The following TRIO variants were observed in gnomAD, a reference collection of about 807,000 sequenced individuals.
The protein encoded by TRIO is triple functional domain protein.
TRIO carries 58 observed loss-of-function variants against 351.9 expected under a neutral mutation model. The observed-to-expected ratio is 0.16, with a 90% CI of 0.13 to 0.21. TRIO has a LOEUF of 0.21. TRIO is among the 10% of genes least tolerant of loss of function. The pLI, the probability that TRIO is intolerant of heterozygous loss-of-function variation, is 1.00. For missense variants in TRIO, 3,201 were observed against 4,027.8 expected (o/e 0.79, Z 5.56); for synonymous variants, 1,758 against 1,595.7 (o/e 1.10, Z -2.42).
Position 14,461,257 on chromosome 5 carries a change from G to T in TRIO, c.5442G>T (p.Ser1814=). 1 of 1,595,626 alleles carries T rather than the reference G, an allele frequency of 6.3e-7. No individual in the cohort carries two copies. Residue 1814 remains serine (S), a synonymous_variant, in exon 35 of 57, where the codon TCG becomes TCT. Transcript: ENST00000344204. ...REVRKSADAG[S]QKDSDDSAAT... is the part of the protein sequence containing the mutation. ...TCCGCAAGAGCGCCGACGCCGGCTC[G>T]CAGAAGGACTCCGACGACAGTGCGG...
At chr5:14,157,627 G>C (rs931116422) in intron 1 of TRIO, among the ~76,000 whole-genome samples, 2 of 151,358 alleles carry the variant, frequency 1.3e-5, no homozygotes, top group Non-Finnish European at 2.9e-5. Flanking sequence ...TCTTGTTCTT[G>C]CCCAGGCTGG....
chr5:14,368,723 G>T lies in TRIO; in HGVS notation c.2890G>T (p.Ala964Ser). The part of the protein sequence containing the change: ...QHAIEKTHQS[A>S]LQVQQKAEAM... ...CTGTCTCTAGAAAACACATCAGAGCGCGCTGCAGGTGCAGCAGAAGGCAGA... is the reference window on the plus strand; with the variant it reads ...CTGTCTCTAGAAAACACATCAGAGCTCGCTGCAGGTGCAGCAGAAGGCAGA... The change falls in exon 17 of 57, where the codon GCG becomes TCG. Residue 964 changes from alanine (A) to serine (S), a missense_variant. This residue lies in a region of TRIO where 363 missense variants were observed against 553.5 expected (regional missense o/e 0.66). Coordinates refer to ENST00000344204, the MANE Select transcript of TRIO (RefSeq NM_007118.4). 6.2e-7 allele frequency: 1 copy of T among 1,613,650 alleles called. No homozygotes were observed. The highest frequency in any genetic ancestry group is 8.5e-7 in the Non-Finnish European group (1 of 1,179,686).
chr5:14,314,236 C>T (rs1345171715), intron 8 of TRIO, among the ~76,000 whole-genome samples: 1 of 152,102 alleles, frequency 6.6e-6, no homozygotes, highest in African/African-American at 2.4e-5. Flanking sequence ...TTTAATCTAC[C>T]TTTGCATATA....
intron 34 of TRIO, among the ~76,000 whole-genome samples, chr5:14,432,831 C>T (rs1751282780): frequency 6.6e-6 from 1 of 152,158 alleles, no homozygotes; most frequent in Non-Finnish European, 1.5e-5. Context: ...GCTGCTTGTT[C>T]TCCTTTGCTC....
chr5:14,255,625 A>G lies in TRIO; in HGVS notation c.158-15200A>G, dbSNP rs144833355. Among the ~76,000 whole-genome samples the G allele has an allele frequency of 4.2e-3, 636 of 152,378 alleles. 9 individuals carry two copies. Among genetic ancestry groups the G allele is most frequent in the Admixed American group, 0.032 (487 of 15,314 alleles). On this transcript the variant is annotated intron_variant, in intron 1 of 56. Transcript: ENST00000344204. ...TTTGGATTTTGGAATATTTGCATAT[A>G]CAAAATGAGACATCTCGAGGATGAG...
At chr5:14,494,496 C>T (rs1009614254) in intron 49 of TRIO, among the ~76,000 whole-genome samples, 26 of 152,186 alleles carry the variant, frequency 1.7e-4, no homozygotes, top group Admixed American at 9.8e-4. Flanking sequence ...CCAAGAGCTC[C>T]GATGGAGATG....
intron 21 of TRIO, among the ~76,000 whole-genome samples, chr5:14,385,349 CT>C: frequency 6.6e-6 from 1 of 152,316 alleles, no homozygotes; most frequent in African/African-American, 2.4e-5. Flanking sequence ...ACACGGAGAC[CT>C]ATTGGTGGAG....
chr5:14,248,506 C>A (rs1794565537), intron 1 of TRIO, among the ~76,000 whole-genome samples: 1 of 152,190 alleles, frequency 6.6e-6, no homozygotes, highest in African/African-American at 2.4e-5. Flanking sequence ...ACACCCGGGG[C>A]CCCAGGCAGT....
At chr5:14,429,862 T>C (rs981051586) in intron 34 of TRIO, among the ~76,000 whole-genome samples, 4 of 152,200 alleles carry the variant, frequency 2.6e-5, no homozygotes, top group Non-Finnish European at 5.9e-5. Flanking sequence ...TTTGCTGACA[T>C]GAGTGGTGGC....
chr5:14,431,813 G>C (rs1353872260), intron 34 of TRIO, among the ~76,000 whole-genome samples: 1 of 152,210 alleles, frequency 6.6e-6, no homozygotes, highest in East Asian at 1.9e-4. Flanking sequence ...AGCAGGGTCG[G>C]CTTCCTCTGG....
chr5:14,394,630 T>C (rs1747405568), intron 28 of TRIO, among the ~76,000 whole-genome samples: 1 of 152,118 alleles, frequency 6.6e-6, no homozygotes, highest in South Asian at 2.1e-4. Context: ...CCCAGGAGGC[T>C]TCCTCTGTCT....
intron 3 of TRIO, among the ~76,000 whole-genome samples, chr5:14,285,128 C>T (rs192287232): frequency 9.2e-5 from 14 of 152,190 alleles, no homozygotes; most frequent in Admixed American, 5.9e-4. Context: ...TGTTTCTGCC[C>T]GTGATGTTAC....
In TRIO at chr5:14,461,116, G is replaced by A; in HGVS notation, c.5301G>A (p.Lys1767=). ...GGGCCCAGAGCTCGCCGGGCCCCAA[G>A]CGGCCGGGCAACACCCTGCGCAAGT... The part of the protein sequence containing the change: ...MIGAQSSPGP[K]RPGNTLRKWL... Residue 1767 remains lysine (K), a synonymous_variant, in exon 35 of 57, where the codon AAG becomes AAA. Transcript: ENST00000344204. 1 of 1,558,404 alleles carries A rather than the reference G, an allele frequency of 6.4e-7. No homozygotes were observed. The highest frequency in any genetic ancestry group is 8.7e-7 in the Non-Finnish European group (1 of 1,151,936).
At chr5:14,369,012 C>A in intron 17 of TRIO, 113 bp downstream of exon 17, 1 of 1,330,490 alleles carries the variant, frequency 7.5e-7, no homozygotes, top group Non-Finnish European at 1.0e-6. Flanking sequence ...CAATCAGTTG[C>A]CAGTCAAGCA....
chr5:14,327,526 A>G lies in TRIO; in HGVS notation c.1732-3252A>G, dbSNP rs185656149. Among the ~76,000 whole-genome samples, 144 of 152,304 alleles carry G rather than the reference A, an allele frequency of 9.5e-4. 1 individual carries two copies. The highest frequency in any genetic ancestry group is 3.3e-3 in the African/African-American group (139 of 41,572). On this transcript the variant is annotated intron_variant, in intron 9 of 56. Transcript: ENST00000344204. Reference sequence around the variant, plus strand: ...TGCTTCCTCTGGCCCTTTCTACCAAATAATGTTTATCTTTTATTTTTTGAA... The same window carrying G: ...TGCTTCCTCTGGCCCTTTCTACCAAGTAATGTTTATCTTTTATTTTTTGAA...
chr5:14,481,849 A>G, intron 45 of TRIO: 1 of 468,980 alleles, frequency 2.1e-6, no homozygotes, highest in Non-Finnish European at 3.6e-6. Flanking sequence ...CCAGTGTCTC[A>G]TGGCAGAAAC....
intron 1 of TRIO, among the ~76,000 whole-genome samples, chr5:14,194,266 T>C (rs913162247): frequency 1.3e-5 from 2 of 152,224 alleles, no homozygotes; most frequent in Non-Finnish European, 2.9e-5. Context: ...TGTCTAAATA[T>C]GTAAGCAGGT....
intron 1 of TRIO, among the ~76,000 whole-genome samples, chr5:14,243,222 T>C (rs1343139758): frequency 6.6e-6 from 1 of 152,174 alleles, no homozygotes; most frequent in Admixed American, 6.5e-5. Context: ...GTCCATGTCC[T>C]GGTCCCTGCC....
rs148296687 is a variant in TRIO, at chr5:14,433,820, TATTTTG to T, written c.5203+13811_5203+13816del. 6.6e-3 allele frequency among the ~76,000 whole-genome samples: 1,011 copies of T among 152,330 alleles called. 9 individuals carry two copies. Among genetic ancestry groups the T allele is most frequent in the African/African-American group, 0.022 (918 of 41,562 alleles). Reference sequence around the variant, plus strand: ...AGCTAATGTTGTTTTATATATCCAGTATTTTGATTTTGATTTTAAGGATCTTTTCAT... The same window carrying T: ...AGCTAATGTTGTTTTATATATCCAGTATTTTGATTTTAAGGATCTTTTCAT... On this transcript the variant is annotated intron_variant, in intron 34 of 56. Coordinates refer to ENST00000344204, the MANE Select transcript of TRIO (RefSeq NM_007118.4).
Sources: allele counts gnomAD v4.1 joint callset (sites outside exome capture counted in the v4.1 genomes callset), GRCh38; gene constraint gnomAD v4.1.1; regional missense constraint gnomAD v4.1.1; transcripts MANE v1.5; gene names NCBI Gene and HGNC (gene_info 2026-07-23, HGNC 2026-07-21).